Variants in RTRAF observed in about 807,000 individuals in gnomAD.
RTRAF encodes RNA transcription, translation and transport factor.
Under a neutral mutation model 34.4 loss-of-function variants are expected in RTRAF, and 14 were observed. The ratio of observed to expected loss-of-function variants is 0.41; its 90% CI spans 0.27 to 0.64. The LOEUF is 0.64. Ranked by LOEUF, RTRAF falls within the 30% of genes least tolerant of loss-of-function variation. The pLI, the probability that RTRAF is intolerant of heterozygous loss-of-function variation, is 0.34. For missense variants in RTRAF, 291 were observed against 288.4 expected (o/e 1.01, Z -0.06); for synonymous variants, 96 against 95.3 (o/e 1.01, Z -0.04).
chr14:51,995,574 G>A (rs543678679), intron 3 of RTRAF, among the ~76,000 whole-genome samples: 50 of 152,206 alleles, frequency 3.3e-4, no homozygotes, highest in African/African-American at 7.9e-4. Context: ...GACATCTTGG[G>A]GGGTACAGGT....
chr14:51,996,071 G>C (rs947633830), intron 3 of RTRAF, among the ~76,000 whole-genome samples: 1 of 151,996 alleles, frequency 6.6e-6, no homozygotes, highest in African/African-American at 2.4e-5. Flanking sequence ...GATGCATATG[G>C]TCATGTATAC....
Position 51,989,699 on chromosome 14 carries a change from A to T in RTRAF, c.60A>T (p.Lys20Asn). The T allele has an allele frequency of 6.2e-7, 1 of 1,601,540 alleles. No individual in the cohort carries two copies. Among genetic ancestry groups the T allele is most frequent in the East Asian group, 2.3e-5 (1 of 43,918 alleles). ...ACAACCCCGCCGGCTTCAACTGCAA[A>T]GGTGAGGCGGCGGCCTCAGCCCGGC... ...DYHNPAGFNC[K>N]DETEFRNFIV... is the part of the protein sequence containing the mutation. The change falls in exon 1 of 8, where the codon AAA (lysine) becomes AAT (asparagine). Residue 20 changes from lysine to asparagine, a missense_variant and splice_region_variant. Transcript: ENST00000261700.
chr14:52,001,955 A>T, intron 6 of RTRAF, 89 bp downstream of exon 6: 1 of 1,120,360 alleles, frequency 8.9e-7, no homozygotes, highest in Non-Finnish European at 1.3e-6. Context: ...TCTGTTTAAG[A>T]TATCCATTCT....
Position 51,998,520 on chromosome 14 carries a change from G to C in RTRAF, c.313G>C (p.Asp105His), listed in dbSNP as rs143561618. The C allele has an allele frequency of 2.5e-6, 4 of 1,587,986 alleles. No individual in the cohort carries two copies. The highest frequency in any genetic ancestry group is 3.6e-5 in the Admixed American group (2 of 56,044). ...TGAAAAATACAAGGATTTAGTACCT[G>C]ATAATTCAAAAACTGCTGACAATGC... The part of the protein sequence containing the change: ...NAEKYKDLVP[D>H]NSKTADNATK... Residue 105 changes from aspartate (D) to histidine (H), a missense_variant, in exon 4 of 8, where the codon GAT (aspartate) becomes CAT (histidine). Transcript: ENST00000261700.
At chr14:51,993,061 A>G (rs1255244745) in intron 2 of RTRAF, among the ~76,000 whole-genome samples, 2 of 152,112 alleles carry the variant, frequency 1.3e-5, no homozygotes, top group South Asian at 2.1e-4. Flanking sequence ...ATGTGTGTGT[A>G]TATATGTACA....
rs200174268 is a variant in RTRAF, at chr14:51,991,313, G to T, written c.62-4G>T. 2.5e-6 allele frequency: 4 copies of T among 1,611,998 alleles called. No homozygotes were observed. In the African/African-American group the frequency reaches 5.3e-5, roughly 22 times the overall value. Reference sequence around the variant, plus strand: ...AGTTATTTATGTGATATTTTTTATTGCAGATGAAACAGAATTTAGAAACTT... The same window carrying T: ...AGTTATTTATGTGATATTTTTTATTTCAGATGAAACAGAATTTAGAAACTT... On this transcript the variant is annotated splice_polypyrimidine_tract_variant and splice_region_variant and intron_variant, in intron 1 of 7. Coordinates refer to ENST00000261700, the MANE Select transcript of RTRAF (RefSeq NM_016039.3).
chr14:52,009,382 A>G lies in RTRAF; in HGVS notation c.*4866A>G, dbSNP rs1890921341. 1 of 152,256 alleles carries G rather than the reference A, an allele frequency of 6.6e-6. No individual in the cohort carries two copies. The highest frequency in any genetic ancestry group is 1.5e-5 in the Non-Finnish European group (1 of 68,050). 9.4% of individuals were successfully genotyped at this position (152,256 alleles called of 1,614,324 possible). ...GGATTGCCAGAGGAAGAAAGTTGTA[A>G]AGGTGAAATCTATAGAAAGCAAATG... On this transcript the variant is annotated 3_prime_UTR_variant, in exon 8 of 8. Coordinates refer to ENST00000261700, the MANE Select transcript of RTRAF (RefSeq NM_016039.3).
At chr14:51,999,821 G>GA (rs979870379) in intron 5 of RTRAF, 25 bp downstream of exon 5, 1 of 1,514,356 alleles carries the variant, frequency 6.6e-7, no homozygotes. Flanking sequence ...CTTGATTCTT[G>GA]ACAGAAACTG....
chr14:51,991,500 T>A, intron 2 of RTRAF, 59 bp downstream of exon 2: 2 of 1,526,336 alleles, frequency 1.3e-6, no homozygotes, highest in Non-Finnish European at 1.8e-6. Flanking sequence ...ATCATGAAGA[T>A]GAGCTTAAAA....
chr14:52,005,605 G>A lies in RTRAF; in HGVS notation c.*1089G>A. The A allele has an allele frequency of 6.9e-7, 1 of 1,459,502 alleles. No individual in the cohort carries two copies. Among genetic ancestry groups the A allele is most frequent in the Non-Finnish European group, 9.5e-7 (1 of 1,048,200 alleles). 90.4% of individuals were successfully genotyped at this position (1,459,502 alleles called of 1,614,324 possible). A position where few individuals can be genotyped will look rare whatever the true frequency, so the allele number is the denominator to read the frequency against. Reference sequence around the variant, plus strand: ...GTATAAACTAGGTAGATTTAAGGTAGTAAAGACTGGCCCTCAGGGCAGGAA... The same window carrying A: ...GTATAAACTAGGTAGATTTAAGGTAATAAAGACTGGCCCTCAGGGCAGGAA... On this transcript the variant is annotated 3_prime_UTR_variant, in exon 8 of 8. Transcript: ENST00000261700.
In RTRAF at chr14:51,989,660, G is replaced by A; in HGVS notation, c.21G>A (p.Thr7=). Residue 7 remains threonine (T), a synonymous_variant, in exon 1 of 8, where the codon ACG becomes ACA. Transcript: ENST00000261700. ...GGACCATGTTCCGACGCAAGTTGAC[G>A]GCTCTCGACTACCACAACCCCGCCG... is the stretch of plus-strand genomic sequence containing the variant. MFRRKL[T]ALDYHNPAGF... The A allele has an allele frequency of 6.2e-7, 1 of 1,606,652 alleles. No homozygotes were observed. The highest frequency in any genetic ancestry group is 8.5e-7 in the Non-Finnish European group (1 of 1,176,962).
intron 5 of RTRAF, among the ~76,000 whole-genome samples, chr14:52,000,996 A>G (rs1890592956): frequency 6.6e-6 from 1 of 152,248 alleles, no homozygotes; most frequent in Non-Finnish European, 1.5e-5. Flanking sequence ...GCATTCAAAC[A>G]ATAACATAAT....
chr14:52,006,713 A>G lies in RTRAF; in HGVS notation c.*2197A>G, dbSNP rs1890799037. 1.9e-6 allele frequency: 3 copies of G among 1,585,372 alleles called. No homozygotes were observed. Among genetic ancestry groups the G allele is most frequent in the South Asian group, 2.2e-5 (2 of 89,766 alleles). ...TCCTTCAGCTGCTTTGCCAAAAATGATAGTGACATAGTGATAGTGACACAG... is the reference window on the plus strand; with the variant it reads ...TCCTTCAGCTGCTTTGCCAAAAATGGTAGTGACATAGTGATAGTGACACAG... On this transcript the variant is annotated 3_prime_UTR_variant, in exon 8 of 8. Transcript: ENST00000261700.
rs1321990629 is a variant in RTRAF, at chr14:52,004,247, G to GTGAT, written c.580+7_580+10dup. ...TTCTTGGTTTTGACACAGGAGGTAA[G>GTGAT]TGATTTTGTTTAAATTCAAACTATT... On this transcript the variant is annotated splice_donor_region_variant and intron_variant, in intron 7 of 7. Transcript: ENST00000261700. 2 of 1,613,362 alleles carry GTGAT rather than the reference G, an allele frequency of 1.2e-6. No individual in the cohort carries two copies. Among genetic ancestry groups the GTGAT allele is most frequent in the African/African-American group, 2.7e-5 (2 of 75,000 alleles).
chr14:52,008,760 A>G lies in RTRAF; in HGVS notation c.*4244A>G, dbSNP rs565029572. 6.6e-6 allele frequency: 1 copy of G among 152,320 alleles called. No individual in the cohort carries two copies. The highest frequency in any genetic ancestry group is 1.5e-5 in the Non-Finnish European group (1 of 68,020). The allele number at this position is 152,320 out of a possible 1,614,324, so 9.4% of individuals were successfully genotyped here. On this transcript the variant is annotated 3_prime_UTR_variant, in exon 8 of 8. Transcript: ENST00000261700. ...GTTAGGAATGGCTTCGATACAAACT[A>G]TGGAACTTGAAGAGATGTGGACCAG...
rs1028829739 is a variant in RTRAF at position 51,989,553 on chromosome 14, C to T, written c.-87C>T. On this transcript the variant is annotated 5_prime_UTR_variant, in exon 1 of 8. Transcript: ENST00000261700. ...ACTCAGCGCCTGCCCGCCCTCTCGC[C>T]GCGTCGCCGGTGCCTGCGCCTCCCG... 4.9e-6 allele frequency: 7 copies of T among 1,419,930 alleles called. No homozygotes were observed. The highest frequency in any genetic ancestry group is 1.3e-5 in the South Asian group (1 of 78,576). The allele number at this position is 1,419,930 out of a possible 1,614,324, so 88.0% of individuals were successfully genotyped here.
At position 52,010,667 on chromosome 14, in the gene RTRAF, C is replaced by T; in HGVS notation, c.*6151C>T. 1.9e-6 allele frequency: 1 copy of T among 523,070 alleles called. No homozygotes were observed. The allele number at this position is 523,070 out of a possible 1,614,324, so 32.4% of individuals were successfully genotyped here. On this transcript the variant is annotated 3_prime_UTR_variant, in exon 8 of 8. Coordinates refer to ENST00000261700, the MANE Select transcript of RTRAF (RefSeq NM_016039.3). ...TTGTTTATACCAGTCTTGTTTCCTC[C>T]TAATAAAATATAAGTGCCATGAAAG...
intron 7 of RTRAF, 36 bp downstream of exon 7, chr14:52,004,278 T>G: frequency 6.2e-7 from 1 of 1,601,604 alleles, no homozygotes; most frequent in Non-Finnish European, 8.5e-7. Context: ...CTATTTTTTT[T>G]ACAGACTGAA....
At chr14:51,997,790 G>C (rs886186989) in intron 3 of RTRAF, 2 of 149,708 alleles carry the variant, frequency 1.3e-5, no homozygotes, top group African/African-American at 4.9e-5. Flanking sequence ...GGGGGGAAGC[G>C]TACTTTTTAA....
Sources: allele counts gnomAD v4.1 joint callset (sites outside exome capture counted in the v4.1 genomes callset), GRCh38; gene constraint gnomAD v4.1.1; transcripts MANE v1.5; gene names NCBI Gene and HGNC (gene_info 2026-07-23, HGNC 2026-07-21).